Variants in USP50 observed in about 807,000 individuals in gnomAD.
USP50 encodes ubiquitin specific peptidase 50, also known as ubiquitin carboxyl-terminal hydrolase 50.
A neutral mutation model predicts 39.2 loss-of-function variants in USP50; 37 were observed. The observed-to-expected ratio is 0.94, with a 90% confidence interval of 0.73 to 1.24. USP50 has a LOEUF of 1.24. Among genes scored for constraint, USP50 ranks in the 50% most tolerant of loss-of-function variants. USP50 has a pLI of 0.00. For missense variants in USP50, 374 were observed against 398.2 expected, an observed-to-expected ratio of 0.94 and a Z score of 0.52; for synonymous variants, 139 against 144.5, an observed-to-expected ratio of 0.96 and a Z score of 0.27.
At chr15:50,498,399 C>A (rs995607836), downstream of USP50, 8 of 610,540 alleles carry the variant, frequency 1.3e-5, no homozygotes, top group African/African-American at 1.5e-4. Context: ...CATTAAATAT[C>A]CATATGCCTC....
downstream of USP50, chr15:50,497,160 A>G (rs2052448433): frequency 6.2e-7 from 1 of 1,610,792 alleles, no homozygotes; most frequent in Non-Finnish European, 8.5e-7. Context: ...GTCATTGCAG[A>G]GCTCGACGGG....
chr15:50,538,964 T>C, intron 4 of USP50, 113 bp from the exon 5 acceptor site: 2 of 1,184,962 alleles, frequency 1.7e-6, no homozygotes, highest in Non-Finnish European at 2.3e-6. Flanking sequence ...AGTGCTTTTC[T>C]CAAAGTCAAC....
At chr15:50,513,517 C>CT (rs2052765982) in intron 6 of USP50, 3 of 73,568 alleles carry the variant, frequency 4.1e-5, no homozygotes, top group Admixed American at 1.7e-4. Flanking sequence ...GCGAAACTGT[C>CT]TAAAAAAAAA....
chr15:50,517,552 AG>A (rs2141359833), intron 6 of USP50, among the ~76,000 whole-genome samples: 1 of 152,290 alleles, frequency 6.6e-6, no homozygotes, highest in African/African-American at 2.4e-5. Flanking sequence ...AATTAATAAC[AG>A]GGGAAATCAT....
At chr15:50,520,306 T>TA (rs112699420) in intron 6 of USP50, among the ~76,000 whole-genome samples, 1 of 39,682 alleles carries the variant, frequency 2.5e-5, no homozygotes, top group Non-Finnish European at 6.8e-5. Flanking sequence ...AGAGAGACCC[T>TA]TTTTTTTTTT....
At chr15:50,499,106 A>G (rs377409330), downstream of USP50, 17 of 1,564,668 alleles carry the variant, frequency 1.1e-5, 1 homozygote, top group Non-Finnish European at 1.4e-5. Context: ...TAGGTTATAA[A>G]CTAGTTATCT....
intron 6 of USP50, among the ~76,000 whole-genome samples, chr15:50,525,882 T>G (rs1293501718): frequency 6.6e-6 from 1 of 151,646 alleles, no homozygotes; most frequent in African/African-American, 2.4e-5. Flanking sequence ...AAAACAGCTA[T>G]AGAAGAATAA....
chr15:50,540,522 C>T (rs1235006639), intron 4 of USP50, among the ~76,000 whole-genome samples: 1 of 152,090 alleles, frequency 6.6e-6, no homozygotes, highest in African/African-American at 2.4e-5. Context: ...CAGGCTATTT[C>T]GTTGAGTACA....
intron 6 of USP50, among the ~76,000 whole-genome samples, chr15:50,516,149 A>G (rs2052801891): frequency 6.6e-6 from 1 of 152,226 alleles, no homozygotes. Context: ...AAACCTAAAA[A>G]GAAAGGATTC....
chr15:50,532,130 A>G (rs756063582), intron 5 of USP50: 2 of 456,312 alleles, frequency 4.4e-6, no homozygotes, highest in Non-Finnish European at 8.8e-6. Context: ...AAAACTCCAA[A>G]GAATCCAGTC....
chr15:50,535,770 G>C (rs1412917397), intron 5 of USP50, among the ~76,000 whole-genome samples: 1 of 152,046 alleles, frequency 6.6e-6, no homozygotes, highest in Non-Finnish European at 1.5e-5. Flanking sequence ...TTAAAAATTA[G>C]CTGGGCATGG....
intron 6 of USP50, among the ~76,000 whole-genome samples, chr15:50,527,873 G>A (rs1423232383): frequency 6.6e-6 from 1 of 151,254 alleles, no homozygotes; most frequent in African/African-American, 2.4e-5. Context: ...CTGACCTCAG[G>A]TGATCTGCCC....
intron 1 of USP50, among the ~76,000 whole-genome samples, chr15:50,495,232 GTA>G (rs148202858): frequency 2.4e-5 from 2 of 82,868 alleles, no homozygotes; most frequent in Admixed American, 1.8e-4. Flanking sequence ...AAATATTTGT[GTA>G]TATATATATA....
chr15:50,497,328 C>T (rs1566894264), downstream of USP50: 5 of 1,407,406 alleles, frequency 3.6e-6, no homozygotes, highest in South Asian at 7.7e-5. Context: ...GCCATGGGCA[C>T]ATAACAAAGG....
At chr15:50,495,954 T>A, downstream of USP50, 1 of 1,613,902 alleles carries the variant, frequency 6.2e-7, no homozygotes, top group Middle Eastern at 1.7e-4. Context: ...GAGTCTATTA[T>A]TGTTGCACTT....
rs375143214 is a variant in USP50, at chr15:50,503,559, C to T, written c.937-2722G>A. On this transcript the variant is annotated intron_variant, in intron 6 of 6. Coordinates refer to ENST00000532404, the MANE Select transcript of USP50 (RefSeq NM_203494.5). ...CACCCTCAATGGAAGGATTAAAAAA[C>T]AAAATCCACCCTCTAGTGCTTGTGT... is the stretch of plus-strand genomic sequence containing the variant. 1.8e-4 allele frequency: 27 copies of T among 152,318 alleles called. No individual in the cohort carries two copies. In the East Asian group the frequency reaches 2.9e-3, roughly 16 times the overall value. The allele number at this position is 152,318 out of a possible 1,614,324, so 9.4% of individuals were successfully genotyped here.
At chr15:50,537,852 C>T (rs1001896308) in intron 5 of USP50, among the ~76,000 whole-genome samples, 14 of 96,488 alleles carry the variant, frequency 1.5e-4, no homozygotes, top group Non-Finnish European at 2.4e-4. Flanking sequence ...AAGCAAGAGA[C>T]TGAAGAAAAG....
At chr15:50,506,969 A>G (rs2052671092) in intron 6 of USP50, 1 of 150,412 alleles carries the variant, frequency 6.6e-6, no homozygotes, top group South Asian at 2.1e-4. Context: ...AAAAAAAAAA[A>G]AAAAAAAAAA....
downstream of USP50, chr15:50,493,985 T>A: frequency 6.9e-7 from 1 of 1,444,062 alleles, no homozygotes; most frequent in Non-Finnish European, 9.7e-7. Context: ...GTGAATAATT[T>A]CATGTTGACA....
Sources: gnomAD v4.1 joint callset for allele counts (sites outside exome capture counted in the v4.1 genomes callset) on GRCh38, gnomAD v4.1.1 for gene constraint, MANE v1.5 for transcripts, NCBI Gene and HGNC (gene_info 2026-07-23, HGNC 2026-07-21) for gene names.